The following MUCL1 variants were observed in gnomAD, a reference collection of about 807,000 sequenced individuals.
The protein encoded by MUCL1 is mucin-like protein 1.
In MUCL1, 11 loss-of-function variants were observed where a neutral mutation model predicts 9.2. The observed-to-expected ratio is 1.19, with a 90% CI of 0.75 to 1.97. The LOEUF is 1.97. MUCL1 is among the 30% of genes most tolerant of loss of function. MUCL1 has a pLI of 0.00. For missense variants in MUCL1, 144 were observed against 110.9 expected (o/e 1.30, Z -1.34); for synonymous variants, 48 against 40.5 (o/e 1.19, Z -0.71).
At chr12:54,840,849 G>A (rs1959207107) in intron 1 of MUCL1, among the ~76,000 whole-genome samples, 1 of 152,190 alleles carries the variant, frequency 6.6e-6, no homozygotes, top group Non-Finnish European at 1.5e-5. Flanking sequence ...ATTTGGCAAA[G>A]CAGGCCTCAT....
intron 1 of MUCL1, among the ~76,000 whole-genome samples, chr12:54,845,200 A>C (rs1173772259): frequency 5.2e-5 from 1 of 19,304 alleles, no homozygotes; most frequent in Non-Finnish European, 1.3e-4. Context: ...GAGATGGTTC[A>C]TCTTCTTAGA....
At chr12:54,839,304 G>C, upstream of MUCL1, 2 of 693,830 alleles carry the variant, frequency 2.9e-6, no homozygotes, top group Non-Finnish European at 5.3e-6. Context: ...GGGGTGTCTT[G>C]AAGCTTATCT....
intron 1 of MUCL1, among the ~76,000 whole-genome samples, chr12:54,843,052 T>C (rs930621120): frequency 6.6e-6 from 1 of 152,228 alleles, no homozygotes; most frequent in Admixed American, 6.5e-5. Flanking sequence ...CAATAGGCTA[T>C]ACTATATAGC....
chr12:54,856,704 C>A, intron 2 of MUCL1, 66 bp from the exon 3 acceptor site: 1 of 1,549,216 alleles, frequency 6.5e-7, no homozygotes, highest in Non-Finnish European at 8.7e-7. Context: ...ATGTCTACCC[C>A]TGGGTGGGAT....
At chr12:54,841,228 T>G (rs1959209864) in intron 1 of MUCL1, among the ~76,000 whole-genome samples, 1 of 152,214 alleles carries the variant, frequency 6.6e-6, no homozygotes, top group Non-Finnish European at 1.5e-5. Flanking sequence ...TGTCTCAGAA[T>G]TTCTTTATTC....
upstream of MUCL1, among the ~76,000 whole-genome samples, chr12:54,850,982 C>G (rs530515128): frequency 1.0e-3 from 155 of 152,170 alleles, no homozygotes; most frequent in African/African-American, 3.6e-3. Flanking sequence ...CTGTTCATAT[C>G]CTTTACCCAC....
chr12:54,838,008 C>T (rs1324197417), upstream of MUCL1, among the ~76,000 whole-genome samples: 4 of 152,224 alleles, frequency 2.6e-5, no homozygotes, highest in East Asian at 7.7e-4. Context: ...ATCTTCATTG[C>T]ATTATTGTTT....
At chr12:54,834,962 A>G (rs969530241), upstream of MUCL1, among the ~76,000 whole-genome samples, 3 of 152,002 alleles carry the variant, frequency 2.0e-5, no homozygotes, top group African/African-American at 7.2e-5. Flanking sequence ...TTGCATACAG[A>G]TAGTTTAGCT....
rs933708301 is a variant in MUCL1 at position 54,856,150 on chromosome 12, G to A, written c.101-620G>A. On this transcript the variant is annotated intron_variant, in intron 2 of 3. Transcript: ENST00000308796. ...TATCAGAAGTGTATTAATTTCTCCT[G>A]TTATATCTAATGTGGCTCTCACAAT... 7.2e-5 allele frequency among the ~76,000 whole-genome samples: 11 copies of A among 152,274 alleles called. No homozygotes were observed. In the South Asian group the frequency reaches 1.9e-3, roughly 26 times the overall value.
At chr12:54,851,707 G>A (rs908459871), upstream of MUCL1, among the ~76,000 whole-genome samples, 5 of 152,160 alleles carry the variant, frequency 3.3e-5, no homozygotes, top group Non-Finnish European at 5.9e-5. Context: ...TAGGAAAAGA[G>A]GAAGTCAAAT....
chr12:54,845,756 G>A (rs772218224), intron 1 of MUCL1, among the ~76,000 whole-genome samples: 10 of 152,006 alleles, frequency 6.6e-5, no homozygotes, highest in Admixed American at 2.0e-4. Context: ...TATAATTTCT[G>A]TACTGCTAAA....
chr12:54,846,193 A>T (rs1356569982), intron 1 of MUCL1, among the ~76,000 whole-genome samples: 2 of 152,136 alleles, frequency 1.3e-5, no homozygotes, highest in African/African-American at 4.8e-5. Context: ...GGTTAACACA[A>T]GCCGTCTGCA....
intron 1 of MUCL1, among the ~76,000 whole-genome samples, chr12:54,842,513 C>A (rs1959217297): frequency 6.6e-6 from 1 of 152,046 alleles, no homozygotes; most frequent in South Asian, 2.1e-4. Flanking sequence ...AATGAGAACC[C>A]TTAAAATATA....
chr12:54,840,980 TC>T (rs1215861628), intron 1 of MUCL1, among the ~76,000 whole-genome samples: 2 of 152,176 alleles, frequency 1.3e-5, no homozygotes, highest in Non-Finnish European at 2.9e-5. Context: ...GACCAGTAGC[TC>T]CCCTTTTCTC....
At chr12:54,831,096 A>G (rs1450217202) in intron 1 of MUCL1, among the ~76,000 whole-genome samples, 5 of 152,226 alleles carry the variant, frequency 3.3e-5, no homozygotes, top group African/African-American at 9.6e-5. Flanking sequence ...AGAGTTTTGT[A>G]TTACTAACTT....
At chr12:54,856,735 T>C in intron 2 of MUCL1, 35 bp from the exon 3 acceptor site, 8 of 1,573,662 alleles carry the variant, frequency 5.1e-6, no homozygotes, top group East Asian at 2.4e-5. Flanking sequence ...CCAGAAGGAG[T>C]CAGTCTCACC....
rs779446904 is a variant in MUCL1 at position 54,858,253 on chromosome 12, G to C, written c.*11G>C. ...AGAGTGTGTCCCTGAGATGGAATCA[G>C]CTTGAGTCTTCTGCAATTGGTCACA... is the stretch of plus-strand genomic sequence containing the variant. On this transcript the variant is annotated 3_prime_UTR_variant, in exon 4 of 4. Transcript: ENST00000308796. 6.2e-7 allele frequency: 1 copy of C among 1,613,396 alleles called. No individual in the cohort carries two copies. Among genetic ancestry groups the C allele is most frequent in the African/African-American group, 1.3e-5 (1 of 74,976 alleles).
chr12:54,843,625 A>T (rs1247440348), intron 1 of MUCL1, among the ~76,000 whole-genome samples: 1 of 152,216 alleles, frequency 6.6e-6, no homozygotes, highest in Non-Finnish European at 1.5e-5. Flanking sequence ...GAGACAGGAA[A>T]GTCAGGGTCA....
At chr12:54,855,936 C>G (rs879286380) in intron 2 of MUCL1, among the ~76,000 whole-genome samples, 1 of 152,176 alleles carries the variant, frequency 6.6e-6, no homozygotes, top group Non-Finnish European at 1.5e-5. Flanking sequence ...CCTGAGACAG[C>G]ATGGATAGAG....
Sources: gnomAD v4.1 joint callset for allele counts (sites outside exome capture counted in the v4.1 genomes callset) on GRCh38, gnomAD v4.1.1 for gene constraint, MANE v1.5 for transcripts, NCBI Gene and HGNC (gene_info 2026-07-23, HGNC 2026-07-21) for gene names.